The following CNPY3 variants were observed in gnomAD, a reference collection of about 807,000 sequenced individuals.
The protein encoded by CNPY3 is canopy FGF signaling regulator 3.
In CNPY3, 20 loss-of-function variants were observed where a neutral mutation model predicts 32.0. The observed-to-expected ratio is 0.63, with a 90% confidence interval of 0.44 to 0.91. The LOEUF (loss-of-function observed/expected upper bound fraction) is 0.91, where lower values mean the gene tolerates loss of function less well. CNPY3 is among the 40% of genes least tolerant of loss of function. The pLI is 0.00. For synonymous variants in CNPY3, 138 were observed against 142.9 expected (o/e 0.97, Z 0.24); for missense variants, 299 against 340.8 (o/e 0.88, Z 0.97).
intron 2 of CNPY3, among the ~76,000 whole-genome samples, chr6:42,935,204 C>T (rs1054216740): frequency 2.6e-5 from 4 of 152,090 alleles, no homozygotes; most frequent in Admixed American, 6.6e-5. Flanking sequence ...AACAGGATTA[C>T]CAGCTTTTTA....
At chr6:42,928,112 C>T (rs746347610), upstream of CNPY3, among the ~76,000 whole-genome samples, 2 of 152,132 alleles carry the variant, frequency 1.3e-5, no homozygotes, top group African/African-American at 2.4e-5. Context: ...CTCCACCTCC[C>T]GAGTAGCTGG....
upstream of CNPY3, chr6:42,929,387 G>A: frequency 3.1e-6 from 2 of 643,480 alleles, no homozygotes; most frequent in Non-Finnish European, 5.2e-6. Context: ...TGCGCCGTCC[G>A]CGGGCCTTGG....
chr6:42,929,425 G>A (rs2234186), upstream of CNPY3: 1,059 of 867,600 alleles, frequency 1.2e-3, 16 homozygotes, highest in East Asian at 0.019. Context: ...CTGCGGCTGC[G>A]AGAGGAGGGC....
intron 1 of CNPY3, among the ~76,000 whole-genome samples, chr6:42,933,413 G>T (rs1767977388): frequency 6.6e-6 from 1 of 152,156 alleles, no homozygotes; most frequent in South Asian, 2.1e-4. Context: ...TTTGAGGAAG[G>T]GTAAGAGGAA....
rs1562536621 is a variant in CNPY3, at chr6:42,929,638, T to TGCTGCTGCC, written c.70_78dup (p.Leu24_Pro26dup). ...CTTCCCTTGCTGCTGCTGCTGCTGC[T>TGCTGCTGCC]GCTGCTGCCGGCCCCGGAGCTGGGC... On this transcript the variant is annotated inframe_insertion, in exon 1 of 6. Transcript: ENST00000372836. 11 of 1,555,830 alleles carry TGCTGCTGCC rather than the reference T, an allele frequency of 7.1e-6. No homozygotes were observed. The highest frequency in any genetic ancestry group is 7.0e-6 in the Non-Finnish European group (8 of 1,150,898).
chr6:42,929,860 C>G, intron 1 of CNPY3, 139 bp downstream of exon 1: 1 of 1,013,580 alleles, frequency 9.9e-7, no homozygotes, highest in East Asian at 2.7e-5. Flanking sequence ...TGCGCCGGGA[C>G]GCTGCGGCGG....
chr6:42,934,207 G>A (rs1337095426), intron 1 of CNPY3, among the ~76,000 whole-genome samples: 3 of 151,874 alleles, frequency 2.0e-5, no homozygotes, highest in African/African-American at 7.2e-5. Flanking sequence ...TTTACAGTAA[G>A]TACATGCTCT....
intron 1 of CNPY3, among the ~76,000 whole-genome samples, chr6:42,931,730 TTA>T (rs1310353126): frequency 4.0e-5 from 6 of 151,300 alleles, no homozygotes; most frequent in African/African-American, 1.5e-4. Context: ...ATTATTATTA[TTA>T]TTTTTTTTTG....
In CNPY3 at chr6:42,937,576, CCTT is replaced by C. The variant is rs549797625; in HGVS notation, c.373-138_373-136del. ...CCAACCTGGGCGACAGAGTGAGACT[CCTT>C]CTCAAAAAAAAAAGGATGAGGATCC... On this transcript the variant is annotated intron_variant, in intron 3 of 5. Transcript: ENST00000372836. 4.0e-3 allele frequency: 3,400 copies of C among 852,936 alleles called. 9 individuals carry two copies. The highest frequency in any genetic ancestry group is 0.014 in the Middle Eastern group (39 of 2,756). 52.8% of individuals were successfully genotyped at this position (852,936 alleles called of 1,614,324 possible). A position where few individuals can be genotyped will look rare whatever the true frequency, so the allele number is the denominator to read the frequency against.
chr6:42,938,973 GC>G lies in CNPY3; in HGVS notation c.*184del. Reference sequence around the variant, plus strand: ...CTCAGAGCCGTCATGGGTAGCCCACGCCGTCCTTTCCCCTCCCCAAGTGTTT... The same window carrying G: ...CTCAGAGCCGTCATGGGTAGCCCACGCGTCCTTTCCCCTCCCCAAGTGTTT... On this transcript the variant is annotated 3_prime_UTR_variant, in exon 6 of 6. Coordinates refer to ENST00000372836, the MANE Select transcript of CNPY3 (RefSeq NM_006586.5). 1 of 1,383,320 alleles carries G rather than the reference GC, an allele frequency of 7.2e-7. No individual in the cohort carries two copies. Among genetic ancestry groups the G allele is most frequent in the Non-Finnish European group, 9.4e-7 (1 of 1,066,628 alleles). The allele number at this position is 1,383,320 out of a possible 1,614,324, so 85.7% of individuals were successfully genotyped here. A position where few individuals can be genotyped will look rare whatever the true frequency, so the allele number is the denominator to read the frequency against.
intron 1 of CNPY3, 61 bp downstream of exon 1, chr6:42,929,782 T>C: frequency 1.3e-5 from 19 of 1,496,834 alleles, no homozygotes; most frequent in Non-Finnish European, 1.7e-5. Flanking sequence ...GCGGTGGTGC[T>C]TGCGGAGCAG....
chr6:42,935,697 G>T (rs751170164), intron 3 of CNPY3, 27 bp downstream of exon 3: 9 of 1,597,266 alleles, frequency 5.6e-6, no homozygotes, highest in South Asian at 4.4e-5. Flanking sequence ...TCCTTCATCC[G>T]CTCTGGGGTC....
chr6:42,936,174 T>TGA (rs1554292535), intron 3 of CNPY3, among the ~76,000 whole-genome samples: 6 of 152,188 alleles, frequency 3.9e-5, no homozygotes, highest in East Asian at 1.9e-4. Flanking sequence ...AGGCCCATAG[T>TGA]TCTTACTCTC....
chr6:42,936,053 C>T (rs1451336736), intron 3 of CNPY3, among the ~76,000 whole-genome samples: 1 of 134,848 alleles, frequency 7.4e-6, no homozygotes, highest in Non-Finnish European at 1.6e-5. Context: ...AGTCCCATCT[C>T]TGGGTCCACA....
chr6:42,932,944 G>A (rs1328107008), intron 1 of CNPY3, among the ~76,000 whole-genome samples: 3 of 152,122 alleles, frequency 2.0e-5, no homozygotes, highest in Non-Finnish European at 4.4e-5. Context: ...ATCAGAAGAC[G>A]GTCTCTATCA....
intron 3 of CNPY3, among the ~76,000 whole-genome samples, chr6:42,936,756 G>A (rs1465772489): frequency 2.0e-5 from 3 of 152,158 alleles, no homozygotes; most frequent in East Asian, 1.9e-4. Flanking sequence ...AGGGGGTCTC[G>A]AACTCCTGAC....
Position 42,939,142 on chromosome 6 carries a change from C to G in CNPY3, c.*351C>G. Reference sequence around the variant, plus strand: ...ACCAAACTCACCATCCCTCAGTCCTCCCCAACAGGGTACTAGGACTGCAGC... The same window carrying G: ...ACCAAACTCACCATCCCTCAGTCCTGCCCAACAGGGTACTAGGACTGCAGC... On this transcript the variant is annotated 3_prime_UTR_variant, in exon 6 of 6. Transcript: ENST00000372836. The G allele has an allele frequency of 9.2e-7, 1 of 1,085,674 alleles. No individual in the cohort carries two copies. Among genetic ancestry groups the G allele is most frequent in the Non-Finnish European group, 1.1e-6 (1 of 893,660 alleles). The allele number at this position is 1,085,674 out of a possible 1,614,324, so 67.3% of individuals were successfully genotyped here.
chr6:42,939,147 A>C lies in CNPY3; in HGVS notation c.*356A>C. The C allele has an allele frequency of 9.3e-7, 1 of 1,071,802 alleles. No homozygotes were observed. Among genetic ancestry groups the C allele is most frequent in the Non-Finnish European group, 1.1e-6 (1 of 884,874 alleles). The allele number at this position is 1,071,802 out of a possible 1,614,324, so 66.4% of individuals were successfully genotyped here. ...ACTCACCATCCCTCAGTCCTCCCCA[A>C]CAGGGTACTAGGACTGCAGCCCCCT... On this transcript the variant is annotated 3_prime_UTR_variant, in exon 6 of 6. Coordinates refer to ENST00000372836, the MANE Select transcript of CNPY3 (RefSeq NM_006586.5).
In CNPY3 at chr6:42,934,522, G is replaced by A. The variant is rs375546787; in HGVS notation, c.199G>A (p.Gly67Ser). The part of the protein sequence containing the change: ...VELKSAFEET[G>S]KTKEVIGTGY... ...GCTGAAGTCAGCCTTTGAGGAAACC[G>A]GCAAGACCAAGGAGGTGATTGGCAC... The change falls in exon 2 of 6, where the codon GGC becomes AGC. Residue 67 changes from glycine (G) to serine (S), a missense_variant. Gly to Ser is a moderately conservative substitution (Grantham distance 56). Transcript: ENST00000372836. 97 of 1,613,970 alleles carry A rather than the reference G, an allele frequency of 6.0e-5. No individual in the cohort carries two copies. The highest frequency in any genetic ancestry group is 1.6e-4 in the Middle Eastern group (1 of 6,084).
Sources: gnomAD v4.1 joint callset for allele counts (sites outside exome capture counted in the v4.1 genomes callset) on GRCh38, gnomAD v4.1.1 for gene constraint, MANE v1.5 for transcripts, NCBI Gene and HGNC (gene_info 2026-07-23, HGNC 2026-07-21) for gene names.